The following TNS3 variants were observed in gnomAD, a reference collection of about 807,000 sequenced individuals.
TNS3 encodes tensin-3.
Under a neutral mutation model 140.9 loss-of-function variants are expected in TNS3, and 45 were observed. That is an observed-to-expected ratio of 0.32 (90% CI 0.25 to 0.41). The LOEUF (loss-of-function observed/expected upper bound fraction) is 0.41, where lower values mean the gene tolerates loss of function less well. Among genes scored for constraint, TNS3 ranks in the 10% least tolerant of loss-of-function variants. TNS3 has a pLI of 1.00. For synonymous variants in TNS3, 815 were observed against 788.4 expected, an observed-to-expected ratio of 1.03 and a Z score of -0.56; for missense variants, 1,716 against 1,906.7, an observed-to-expected ratio of 0.90 and a Z score of 1.86.
chr7:47,490,375 C>T (rs756995102), intron 3 of TNS3, among the ~76,000 whole-genome samples: 1 of 152,236 alleles, frequency 6.6e-6, no homozygotes, highest in Non-Finnish European at 1.5e-5. Flanking sequence ...TCCCTGCATG[C>T]TATTGCCTGA....
chr7:47,494,380 T>C (rs1422403839), intron 3 of TNS3, among the ~76,000 whole-genome samples: 1 of 152,216 alleles, frequency 6.6e-6, no homozygotes, highest in Non-Finnish European at 1.5e-5. Context: ...CAAATGCTTT[T>C]TAGAAGTAAA....
intron 24 of TNS3, among the ~76,000 whole-genome samples, chr7:47,294,153 G>A (rs951386340): frequency 1.1e-4 from 17 of 151,142 alleles, no homozygotes; most frequent in Non-Finnish European, 5.9e-5. Context: ...TTGCAGCTAA[G>A]AAAGAGGATC....
chr7:47,474,542 TCAGCACAACACACA>T (rs1562784285), intron 4 of TNS3, among the ~76,000 whole-genome samples: 2 of 123,908 alleles, frequency 1.6e-5, no homozygotes, highest in African/African-American at 6.4e-5. Context: ...ACAACACACT[TCAGCACAACACACA>T]CAGCACAACA....
intron 20 of TNS3, among the ~76,000 whole-genome samples, chr7:47,311,079 T>C (rs982658996): frequency 6.6e-6 from 1 of 152,248 alleles, no homozygotes; most frequent in African/African-American, 2.4e-5. Flanking sequence ...TTTGGGTATA[T>C]ACCCAGTAAT....
chr7:47,510,860 TAAA>T (rs34323744), intron 2 of TNS3, among the ~76,000 whole-genome samples: 3 of 128,296 alleles, frequency 2.3e-5, no homozygotes, highest in Admixed American at 8.1e-5. Context: ...AGACTGTCTT[TAAA>T]AAAAAAAAAA....
chr7:47,530,887 A>G (rs1799381743), intron 1 of TNS3, among the ~76,000 whole-genome samples: 1 of 146,028 alleles, frequency 6.8e-6, no homozygotes, highest in Non-Finnish European at 1.5e-5. Context: ...GACAGGAACT[A>G]CCCCAAGGCA....
chr7:47,394,242 AGTGATG>A (rs1489090809), intron 16 of TNS3, among the ~76,000 whole-genome samples: 1 of 152,258 alleles, frequency 6.6e-6, no homozygotes, highest in Admixed American at 6.5e-5. Context: ...TAATCCCCAG[AGTGATG>A]GTATTAGGAG....
intron 4 of TNS3, among the ~76,000 whole-genome samples, chr7:47,450,920 G>C (rs1795984551): frequency 6.6e-6 from 1 of 152,116 alleles, no homozygotes; most frequent in African/African-American, 2.4e-5. Context: ...GGGATCACAA[G>C]GTCAGGAGTT....
At chr7:47,486,461 C>T (rs2941544) in intron 3 of TNS3, among the ~76,000 whole-genome samples, 83,756 of 151,946 alleles carry the variant, frequency 0.55, 25,704 homozygotes, top group Non-Finnish European at 0.66. Context: ...CCTGCAGTTC[C>T]ATCCCCCAAG....
At chr7:47,385,068 C>G (rs893308227) in intron 16 of TNS3, among the ~76,000 whole-genome samples, 5 of 152,210 alleles carry the variant, frequency 3.3e-5, no homozygotes, top group Non-Finnish European at 7.4e-5. Flanking sequence ...TTGTACAGGT[C>G]AAGTGACGCC....
At chr7:47,430,513 G>A (rs1004907627) in intron 8 of TNS3, among the ~76,000 whole-genome samples, 5 of 151,954 alleles carry the variant, frequency 3.3e-5, no homozygotes, top group African/African-American at 1.2e-4. Context: ...TTTCAACAAT[G>A]GACAGATCAC....
chr7:47,574,154 C>A (rs1238722480), intron 1 of TNS3, among the ~76,000 whole-genome samples: 1 of 152,186 alleles, frequency 6.6e-6, no homozygotes, highest in African/African-American at 2.4e-5. Context: ...GGTTCCCAGA[C>A]TGAACCATTT....
intron 2 of TNS3, among the ~76,000 whole-genome samples, chr7:47,525,444 A>G (rs1799158054): frequency 2.0e-5 from 3 of 152,356 alleles, no homozygotes; most frequent in Middle Eastern, 3.4e-3. Context: ...GACACACAGC[A>G]AGATAAGCCT....
In TNS3 at chr7:47,339,956, CATATATAT is replaced by C. The variant is rs35991026; in HGVS notation, c.2650+4791_2650+4798del. On this transcript the variant is annotated intron_variant, in intron 20 of 30. Coordinates refer to ENST00000311160, the MANE Select transcript of TNS3 (RefSeq NM_022748.12). The stretch of plus-strand genomic sequence containing the variant: ...AATTTTTTTGAGCTATTATAAGTGG[CATATATAT>C]ATATATATATATATATGTATACATA... 7.2e-3 allele frequency among the ~76,000 whole-genome samples: 984 copies of C among 136,504 alleles called. 12 individuals carry two copies. Among genetic ancestry groups the C allele is most frequent in the African/African-American group, 0.024 (912 of 37,650 alleles). The allele number at this position is 136,504 out of a possible 152,430, so 89.6% of individuals were successfully genotyped here. A position where few individuals can be genotyped will look rare whatever the true frequency, so the allele number is the denominator to read the frequency against.
chr7:47,476,278 A>C (rs796462085), intron 4 of TNS3, among the ~76,000 whole-genome samples: 5 of 152,320 alleles, frequency 3.3e-5, no homozygotes, highest in African/African-American at 1.2e-4. Flanking sequence ...CATACCCCGG[A>C]TGGGACTCAA....
At chr7:47,389,316 C>T (rs1250607763) in intron 16 of TNS3, among the ~76,000 whole-genome samples, 2 of 152,190 alleles carry the variant, frequency 1.3e-5, no homozygotes, top group Non-Finnish European at 2.9e-5. Flanking sequence ...TACCCTTCCT[C>T]CCAGGAAGCA....
In TNS3 at chr7:47,485,578, A is replaced by G. The variant is rs531787593; in HGVS notation, c.-114-4437T>C. Among the ~76,000 whole-genome samples, 18 of 152,364 alleles carry G rather than the reference A, an allele frequency of 1.2e-4. No individual in the cohort carries two copies. The South Asian group carries it at 3.7e-3, about 32-fold the overall frequency. On this transcript the variant is annotated intron_variant, in intron 3 of 30. Transcript: ENST00000311160. ...GGCAGAGCAGCTCCCGTTAGCAGCTACAGAAGGCTGGAGAGAAGGCAGTGG... is the reference window on the plus strand; with the variant it reads ...GGCAGAGCAGCTCCCGTTAGCAGCTGCAGAAGGCTGGAGAGAAGGCAGTGG...
intron 1 of TNS3, among the ~76,000 whole-genome samples, chr7:47,544,387 A>G (rs1190846363): frequency 6.6e-6 from 1 of 151,968 alleles, no homozygotes; most frequent in Non-Finnish European, 1.5e-5. Context: ...TCCAAAATCC[A>G]TATGTTGAAA....
intron 16 of TNS3, among the ~76,000 whole-genome samples, chr7:47,378,608 C>T (rs1318769275): frequency 6.6e-6 from 1 of 152,210 alleles, no homozygotes; most frequent in Non-Finnish European, 1.5e-5. Flanking sequence ...GCTAACTGGG[C>T]AACCACTGTC....
Sources: gnomAD v4.1 joint callset for allele counts (sites outside exome capture counted in the v4.1 genomes callset) on GRCh38, gnomAD v4.1.1 for gene constraint, MANE v1.5 for transcripts, NCBI Gene and HGNC (gene_info 2026-07-23, HGNC 2026-07-21) for gene names.